The following LDLRAD4 variants were observed in gnomAD, a reference collection of about 807,000 sequenced individuals.
LDLRAD4 encodes the protein low density lipoprotein receptor class A domain containing 4.
LDLRAD4 carries 5 observed loss-of-function variants against 17.0 expected under a neutral mutation model. That is an observed-to-expected ratio of 0.29 (90% CI 0.15 to 0.62). The LOEUF is 0.62. Among genes scored for constraint, LDLRAD4 ranks in the 20% least tolerant of loss-of-function variants. LDLRAD4 has a pLI of 0.84. For synonymous variants in LDLRAD4, 168 were observed against 171.8 expected (o/e 0.98, Z 0.17); for missense variants, 340 against 424.7 (o/e 0.80, Z 1.75).
At chr18:13,583,008 G>A (rs575809103) in intron 3 of LDLRAD4, among the ~76,000 whole-genome samples, 4 of 152,270 alleles carry the variant, frequency 2.6e-5, no homozygotes, top group East Asian at 3.9e-4. Flanking sequence ...GAGCCACCGC[G>A]TCTTGCTTGT....
chr18:13,438,707 A>C (rs1180133317), intron 3 of LDLRAD4, among the ~76,000 whole-genome samples: 1 of 152,260 alleles, frequency 6.6e-6, no homozygotes, highest in East Asian at 1.9e-4. Context: ...AGTAATTTTA[A>C]ATAAGCAAAG....
At chr18:13,461,471 C>G (rs1185733282) in intron 3 of LDLRAD4, 2 of 152,146 alleles carry the variant, frequency 1.3e-5, no homozygotes, top group African/African-American at 4.8e-5. Flanking sequence ...GCATCTTGAA[C>G]AAATAATCAG....
chr18:13,530,021 G>A (rs569610799), intron 3 of LDLRAD4, among the ~76,000 whole-genome samples: 1 of 152,270 alleles, frequency 6.6e-6, no homozygotes, highest in Admixed American at 6.5e-5. Context: ...TTCAGGGTGA[G>A]TTTCATCCTC....
intron 3 of LDLRAD4, among the ~76,000 whole-genome samples, chr18:13,478,310 G>T (rs184157332): frequency 1.3e-5 from 2 of 152,272 alleles, no homozygotes; most frequent in Admixed American, 6.5e-5. Context: ...TCCAAGTGTT[G>T]GTGTGCTGCC....
At chr18:13,276,741 C>A (rs954258473), upstream of LDLRAD4, among the ~76,000 whole-genome samples, 1 of 152,154 alleles carries the variant, frequency 6.6e-6, no homozygotes, top group Non-Finnish European at 1.5e-5. Flanking sequence ...CTATGTAGGT[C>A]GCCTGGTGTG....
intron 3 of LDLRAD4, among the ~76,000 whole-genome samples, chr18:13,477,674 G>A (rs1201105966): frequency 6.6e-6 from 1 of 152,186 alleles, no homozygotes; most frequent in Non-Finnish European, 1.5e-5. Flanking sequence ...ACTACAGTTT[G>A]GAGAGCAAAG....
At chr18:13,556,266 G>A (rs1827133223) in intron 3 of LDLRAD4, among the ~76,000 whole-genome samples, 1 of 152,190 alleles carries the variant, frequency 6.6e-6, no homozygotes, top group South Asian at 2.1e-4. Context: ...TCTTGTGACT[G>A]GTCATTGTCA....
intron 2 of LDLRAD4, among the ~76,000 whole-genome samples, chr18:13,402,686 T>C (rs1047620198): frequency 6.6e-6 from 1 of 152,198 alleles, no homozygotes; most frequent in Non-Finnish European, 1.5e-5. Context: ...AGTAAACATA[T>C]GTTGAATGAA....
At chr18:13,640,020 C>G (rs369897033) in intron 4 of LDLRAD4, among the ~76,000 whole-genome samples, 1 of 152,180 alleles carries the variant, frequency 6.6e-6, no homozygotes, top group Admixed American at 6.5e-5. Context: ...GGTGCGGTGG[C>G]TCACGCCTGT....
At chr18:13,333,499 T>C (rs1024338559) in intron 1 of LDLRAD4, among the ~76,000 whole-genome samples, 12 of 152,256 alleles carry the variant, frequency 7.9e-5, no homozygotes, top group African/African-American at 2.9e-4. Context: ...ATTCCGCAGA[T>C]CATCTCCTAT....
chr18:13,634,305 A>G (rs1230089317), intron 4 of LDLRAD4, among the ~76,000 whole-genome samples: 1 of 152,270 alleles, frequency 6.6e-6, no homozygotes, highest in Non-Finnish European at 1.5e-5. Context: ...CCTTATGTGT[A>G]AAAACTCTAA....
chr18:13,323,208 T>C (rs893379004), intron 1 of LDLRAD4, among the ~76,000 whole-genome samples: 5 of 152,274 alleles, frequency 3.3e-5, no homozygotes, highest in African/African-American at 1.2e-4. Context: ...TTCACTTTTC[T>C]GCATACATTT....
intron 1 of LDLRAD4, among the ~76,000 whole-genome samples, chr18:13,360,069 G>A (rs2083570455): frequency 6.6e-6 from 1 of 152,220 alleles, no homozygotes; most frequent in African/African-American, 2.4e-5. Flanking sequence ...ATGGAAAGAT[G>A]AGAAACTTCA....
intron 1 of LDLRAD4, among the ~76,000 whole-genome samples, chr18:13,295,136 T>C (rs2046201530): frequency 6.6e-6 from 1 of 152,232 alleles, no homozygotes; most frequent in Admixed American, 6.5e-5. Context: ...TCAGCAAATA[T>C]GGCAGCAGTA....
In LDLRAD4 at chr18:13,245,069, TG is replaced by T. The variant is rs571714813; in HGVS notation, c.-467+26087del. Among the ~76,000 whole-genome samples the T allele has an allele frequency of 2.5e-3, 384 of 152,126 alleles. 3 individuals are homozygous for T. Among genetic ancestry groups the T allele is most frequent in the Middle Eastern group, 0.01 (3 of 294 alleles). On this transcript the variant is annotated intron_variant, in intron 1 of 5. Transcript: ENST00000399848. ...ATGGTCGACTGCACCCTCTGTTTGG[TG>T]GGGGGCATGGGTTCCCCTAAGTGGG...
chr18:13,533,473 A>T (rs2094157681), intron 3 of LDLRAD4, among the ~76,000 whole-genome samples: 1 of 152,236 alleles, frequency 6.6e-6, no homozygotes. Context: ...TTAGCTTATG[A>T]TCCCAATTTT....
At chr18:13,288,119 T>C (rs2045736756) in intron 1 of LDLRAD4, among the ~76,000 whole-genome samples, 1 of 152,256 alleles carries the variant, frequency 6.6e-6, no homozygotes, top group Non-Finnish European at 1.5e-5. Flanking sequence ...AGGATTTACT[T>C]CTGTAGTAAT....
At chr18:13,571,117 G>GCCTATAAACTATTATTAATTAAT (rs2094684598) in intron 3 of LDLRAD4, among the ~76,000 whole-genome samples, 1 of 152,178 alleles carries the variant, frequency 6.6e-6, no homozygotes, top group African/African-American at 2.4e-5. Flanking sequence ...ACCACGCCTG[G>GCCTATAAACTATTATTAATTAAT]CATGCCCTTT....
exon 6 of LDLRAD4, chr18:13,646,632 T>TGCAGTGCAATTG (rs2043026736): frequency 6.5e-6 from 1 of 152,672 alleles, no homozygotes; most frequent in Non-Finnish European, 1.5e-5. Context: ...GCCCTCATCC[T>TGCAGTGCAATTG]CCAGCAGTGC....
Sources: allele counts gnomAD v4.1 joint callset (sites outside exome capture counted in the v4.1 genomes callset), GRCh38; gene constraint gnomAD v4.1.1; transcripts MANE v1.5; gene names NCBI Gene and HGNC (gene_info 2026-07-23, HGNC 2026-07-21).